Variants in ZNF536 observed in about 807,000 individuals in gnomAD.
ZNF536 encodes zinc finger protein 536.
ZNF536 carries 13 observed loss-of-function variants against 84.5 expected under a neutral mutation model. That is an observed-to-expected ratio of 0.15 (90% CI 0.10 to 0.24). The LOEUF (loss-of-function observed/expected upper bound fraction) is 0.24, where lower values mean the gene tolerates loss of function less well. ZNF536 is among the 10% of genes least tolerant of loss of function. The pLI is 1.00. For synonymous variants in ZNF536, 811 were observed against 742.5 expected (o/e 1.09, Z -1.50); for missense variants, 1,536 against 1,747.5 (o/e 0.88, Z 2.16).
chr19:30,472,643 A>T (rs1212883770), intron 2 of ZNF536, among the ~76,000 whole-genome samples: 1 of 152,146 alleles, frequency 6.6e-6, no homozygotes, highest in East Asian at 1.9e-4. Flanking sequence ...TTCTCTACTG[A>T]TGTGATCAAA....
intron 2 of ZNF536, among the ~76,000 whole-genome samples, chr19:30,465,732 A>ATTATT (rs1025913497): frequency 2.0e-4 from 30 of 152,100 alleles, no homozygotes; most frequent in South Asian, 1.2e-3. Flanking sequence ...GTCTATAAAA[A>ATTATT]TTATTTTATT....
intron 1 of ZNF536, among the ~76,000 whole-genome samples, chr19:30,602,672 G>A (rs1330488928): frequency 1.3e-5 from 2 of 152,180 alleles, no homozygotes; most frequent in East Asian, 1.9e-4. Flanking sequence ...TACCGATTCC[G>A]AGAAGTTCCA....
chr19:30,482,731 G>A (rs1365088451), intron 2 of ZNF536, among the ~76,000 whole-genome samples: 1 of 152,182 alleles, frequency 6.6e-6, no homozygotes, highest in Non-Finnish European at 1.5e-5. Flanking sequence ...TAGGTCTGAT[G>A]CCTCGCTTTC....
chr19:30,572,393 A>G (rs986029851), intron 1 of ZNF536, among the ~76,000 whole-genome samples: 1 of 152,058 alleles, frequency 6.6e-6, no homozygotes, highest in African/African-American at 2.4e-5. Context: ...ATATGGAGAG[A>G]GGAGAGGTGG....
intron 2 of ZNF536, among the ~76,000 whole-genome samples, chr19:30,506,265 G>C (rs1054128214): frequency 6.6e-6 from 1 of 152,152 alleles, no homozygotes; most frequent in African/African-American, 2.4e-5. Flanking sequence ...ATGAGATTGG[G>C]TGGTTGATGA....
At chr19:30,482,080 T>A (rs1288135200) in intron 2 of ZNF536, among the ~76,000 whole-genome samples, 2 of 152,214 alleles carry the variant, frequency 1.3e-5, no homozygotes, top group Non-Finnish European at 2.9e-5. Flanking sequence ...GGTACTTAGG[T>A]TGATTCCATA....
intron 2 of ZNF536, among the ~76,000 whole-genome samples, chr19:30,499,299 A>G (rs73536738): frequency 0.056 from 8,570 of 152,208 alleles, 438 homozygotes; most frequent in African/African-American, 0.13. Context: ...CTTTGCATCT[A>G]TGTATCTATG....
chr19:30,584,617 C>A (rs1385087759), intron 1 of ZNF536, among the ~76,000 whole-genome samples: 1 of 152,184 alleles, frequency 6.6e-6, no homozygotes. Context: ...GTCCAGCCTT[C>A]GGGATTAGCT....
chr19:30,688,225 A>G (rs994633069), intron 1 of ZNF536, among the ~76,000 whole-genome samples: 3 of 152,186 alleles, frequency 2.0e-5, no homozygotes, highest in African/African-American at 7.2e-5. Flanking sequence ...TTCTGGATTA[A>G]TAACTCAGGT....
chr19:30,328,564 G>A (rs1304173486), intron 2 of ZNF536, among the ~76,000 whole-genome samples: 3 of 152,180 alleles, frequency 2.0e-5, no homozygotes, highest in East Asian at 1.9e-4. Context: ...GGCTGTCCAC[G>A]TAGCCCTAAC....
At chr19:30,249,388 G>T (rs531687940) in intron 1 of ZNF536, among the ~76,000 whole-genome samples, 1 of 151,874 alleles carries the variant, frequency 6.6e-6, no homozygotes, top group African/African-American at 2.4e-5. Context: ...GGGGGAGGAG[G>T]AGGAGGATAT....
At chr19:30,501,980 G>A (rs2054969938) in intron 2 of ZNF536, among the ~76,000 whole-genome samples, 1 of 152,194 alleles carries the variant, frequency 6.6e-6, no homozygotes, top group Admixed American at 6.5e-5. Flanking sequence ...GAGACACTTT[G>A]GGATACTGAG....
downstream of ZNF536, among the ~76,000 whole-genome samples, chr19:30,560,461 A>T (rs531056146): frequency 2.6e-5 from 4 of 152,290 alleles, no homozygotes; most frequent in African/African-American, 7.2e-5. Context: ...GTGGGATTAT[A>T]ACAAACCCCA....
downstream of ZNF536, among the ~76,000 whole-genome samples, chr19:30,559,378 G>A (rs1393126489): frequency 6.6e-6 from 1 of 152,216 alleles, no homozygotes; most frequent in Non-Finnish European, 1.5e-5. Flanking sequence ...CACTGCCAGT[G>A]TATATAGGCC....
At chr19:30,280,641 T>C (rs2045408899) in intron 1 of ZNF536, among the ~76,000 whole-genome samples, 1 of 152,262 alleles carries the variant, frequency 6.6e-6, no homozygotes, top group African/African-American at 2.4e-5. Context: ...AGGACCGCTC[T>C]GTGCTAAACT....
At chr19:30,693,943 C>G (rs962741980) in intron 1 of ZNF536, among the ~76,000 whole-genome samples, 1 of 152,138 alleles carries the variant, frequency 6.6e-6, no homozygotes, top group Non-Finnish European at 1.5e-5. Flanking sequence ...TGACTGCTCC[C>G]GCGACACTGT....
chr19:30,650,922 T>C (rs911453025), intron 1 of ZNF536, among the ~76,000 whole-genome samples: 6 of 152,208 alleles, frequency 3.9e-5, no homozygotes, highest in Non-Finnish European at 8.8e-5. Context: ...ATAAATAGCA[T>C]TGAGAACTCG....
At chr19:30,670,172 A>T (rs2147711571) in intron 1 of ZNF536, among the ~76,000 whole-genome samples, 1 of 152,260 alleles carries the variant, frequency 6.6e-6, no homozygotes, top group African/African-American at 2.4e-5. Context: ...CAATGGGGGA[A>T]CGAATTCCTG....
At chr19:30,322,447 C>A (rs1417202493) in intron 2 of ZNF536, among the ~76,000 whole-genome samples, 2 of 152,132 alleles carry the variant, frequency 1.3e-5, no homozygotes, top group Non-Finnish European at 2.9e-5. Flanking sequence ...GCTTCACAAA[C>A]CCATCTCTGT....
Sources: allele counts gnomAD v4.1 joint callset (sites outside exome capture counted in the v4.1 genomes callset), GRCh38; gene constraint gnomAD v4.1.1; transcripts MANE v1.5; gene names NCBI Gene and HGNC (gene_info 2026-07-23, HGNC 2026-07-21).